The following BTRC variants were observed in gnomAD, a reference collection of about 807,000 sequenced individuals.
BTRC encodes the protein F-box/WD repeat-containing protein 1A.
A neutral mutation model predicts 85.5 loss-of-function variants in BTRC; 42 were observed. The ratio of observed to expected loss-of-function variants is 0.49; its 90% confidence interval spans 0.38 to 0.64. The LOEUF (loss-of-function observed/expected upper bound fraction) is 0.64. Among genes scored for constraint, BTRC ranks in the 30% least tolerant of loss-of-function variants. BTRC has a pLI of 0.00. For synonymous variants in BTRC, 255 were observed against 263.3 expected (o/e 0.97, Z 0.30); for missense variants, 594 against 743.5 (o/e 0.80, Z 2.34).
intron 1 of BTRC, among the ~76,000 whole-genome samples, chr10:101,394,522 G>A (rs763304635): frequency 1.3e-5 from 2 of 152,174 alleles, no homozygotes; most frequent in Non-Finnish European, 2.9e-5. Context: ...CAAAGGTAAA[G>A]CTTAAAGCAG....
At chr10:101,443,125 G>T (rs925272778) in intron 2 of BTRC, among the ~76,000 whole-genome samples, 2 of 151,876 alleles carry the variant, frequency 1.3e-5, no homozygotes, top group African/African-American at 2.4e-5. Context: ...CTCGTGATCC[G>T]CCTGCCTCGG....
At chr10:101,365,386 A>ATTT (rs1942341397) in intron 1 of BTRC, among the ~76,000 whole-genome samples, 1 of 141,202 alleles carries the variant, frequency 7.1e-6, no homozygotes. Flanking sequence ...TTTTTTTTTA[A>ATTT]TTTTTTGAGA....
chr10:101,452,521 C>T (rs1350492285), intron 2 of BTRC, among the ~76,000 whole-genome samples: 1 of 152,220 alleles, frequency 6.6e-6, no homozygotes, highest in Non-Finnish European at 1.5e-5. Context: ...AATCCCTCTG[C>T]ATTTTGAGAA....
At chr10:101,451,442 G>A (rs1214691117) in intron 2 of BTRC, among the ~76,000 whole-genome samples, 1 of 152,136 alleles carries the variant, frequency 6.6e-6, no homozygotes, top group East Asian at 1.9e-4. Context: ...TTGGTTGAAA[G>A]GCAGCCATCT....
intron 4 of BTRC, among the ~76,000 whole-genome samples, chr10:101,500,182 G>A (rs1223105191): frequency 3.3e-5 from 5 of 151,662 alleles, no homozygotes; most frequent in South Asian, 2.1e-4. Flanking sequence ...GTGTACTTCC[G>A]CAAATCTAAA....
chr10:101,520,100 C>G (rs1403419616), intron 4 of BTRC, among the ~76,000 whole-genome samples: 2 of 152,074 alleles, frequency 1.3e-5, no homozygotes, highest in African/African-American at 4.8e-5. Flanking sequence ...CTTCATAGCA[C>G]TACCTACATT....
At chr10:101,408,002 G>A (rs370494099) in intron 1 of BTRC, among the ~76,000 whole-genome samples, 140 of 152,134 alleles carry the variant, frequency 9.2e-4, no homozygotes, top group Admixed American at 1.6e-3. Flanking sequence ...GATTACAGGC[G>A]TGAGCCACTG....
intron 1 of BTRC, among the ~76,000 whole-genome samples, chr10:101,378,664 A>G (rs1054692981): frequency 6.6e-6 from 1 of 151,690 alleles, no homozygotes; most frequent in African/African-American, 2.4e-5. Flanking sequence ...AGCTGGGACT[A>G]CAGGAATGAG....
At chr10:101,396,422 T>C (rs1943363965) in intron 1 of BTRC, among the ~76,000 whole-genome samples, 1 of 151,176 alleles carries the variant, frequency 6.6e-6, no homozygotes, top group Non-Finnish European at 1.5e-5. Context: ...TTTTTTTTTT[T>C]TTTGGTAGAG....
At chr10:101,467,554 G>A (rs12416466) in intron 3 of BTRC, among the ~76,000 whole-genome samples, 39,855 of 151,904 alleles carry the variant, frequency 0.26, 6,308 homozygotes, top group South Asian at 0.4. Context: ...GACAAACTAT[G>A]CTTAAGGGAC....
chr10:101,444,547 G>A (rs1450512662), intron 2 of BTRC, among the ~76,000 whole-genome samples: 1 of 152,114 alleles, frequency 6.6e-6, no homozygotes, highest in Non-Finnish European at 1.5e-5. Context: ...CATTGGCCAG[G>A]TTGTTCTGTA....
At chr10:101,491,672 G>C (rs1252601134) in intron 4 of BTRC, among the ~76,000 whole-genome samples, 3 of 151,962 alleles carry the variant, frequency 2.0e-5, no homozygotes, top group Non-Finnish European at 2.9e-5. Context: ...ACTCCAGCCT[G>C]GGTGACAGAG....
intron 1 of BTRC, among the ~76,000 whole-genome samples, chr10:101,399,834 GA>G (rs796135809): frequency 5.3e-5 from 8 of 151,414 alleles, no homozygotes; most frequent in African/African-American, 1.5e-4. Flanking sequence ...TTTCCTGGAA[GA>G]AAAAAAAATT....
At position 101,387,063 on chromosome 10, in the gene BTRC, C is replaced by T. The variant is rs1354993813; in HGVS notation, c.48+32835C>T. Among the ~76,000 whole-genome samples the T allele has an allele frequency of 2.6e-5, 4 of 152,228 alleles. No homozygotes were observed. The East Asian group carries it at 7.7e-4, about 29-fold the overall frequency. ...TCTCCATCAATCTGCAGTGTTATCTCCCTCATAAATCATGTCATTACATGC... is the reference window on the plus strand; with the variant it reads ...TCTCCATCAATCTGCAGTGTTATCTTCCTCATAAATCATGTCATTACATGC... On this transcript the variant is annotated intron_variant, in intron 1 of 14. Coordinates refer to ENST00000370187, the MANE Select transcript of BTRC (RefSeq NM_033637.4).
At chr10:101,376,220 G>T (rs1292705120) in intron 1 of BTRC, among the ~76,000 whole-genome samples, 2 of 152,206 alleles carry the variant, frequency 1.3e-5, no homozygotes, top group Non-Finnish European at 2.9e-5. Flanking sequence ...AGCTACTTGG[G>T]TGGCTGAGGC....
intron 5 of BTRC, among the ~76,000 whole-genome samples, chr10:101,525,626 A>G (rs1304938671): frequency 6.6e-6 from 1 of 152,190 alleles, no homozygotes; most frequent in Non-Finnish European, 1.5e-5. Flanking sequence ...AAATGGACCT[A>G]ATATAGAGAT....
intron 2 of BTRC, among the ~76,000 whole-genome samples, chr10:101,458,783 G>A (rs1389658624): frequency 6.6e-6 from 1 of 152,174 alleles, no homozygotes; most frequent in Admixed American, 6.5e-5. Flanking sequence ...CACAAGTGAT[G>A]TGCTGTTTTC....
At chr10:101,456,018 A>ACAC (rs60361192) in intron 2 of BTRC, among the ~76,000 whole-genome samples, 1 of 150,216 alleles carries the variant, frequency 6.7e-6, no homozygotes, top group Non-Finnish European at 1.5e-5. Flanking sequence ...ACACACACAC[A>ACAC]AAATTAGCTG....
chr10:101,521,579 A>G, intron 4 of BTRC, 60 bp from the exon 5 acceptor site: 1 of 1,205,142 alleles, frequency 8.3e-7, no homozygotes, highest in Non-Finnish European at 1.2e-6. Context: ...AGAAAATCAT[A>G]TATATTTCCC....
Sources: gnomAD v4.1 joint callset for allele counts (sites outside exome capture counted in the v4.1 genomes callset) on GRCh38, gnomAD v4.1.1 for gene constraint, MANE v1.5 for transcripts, NCBI Gene and HGNC (gene_info 2026-07-23, HGNC 2026-07-21) for gene names.